Variants in PIK3R6 observed in about 807,000 individuals in gnomAD.
The protein encoded by PIK3R6 is phosphoinositide 3-kinase regulatory subunit 6.
PIK3R6 carries 91 observed loss-of-function variants against 84.9 expected under a neutral mutation model. The observed-to-expected ratio is 1.07, with a 90% CI of 0.90 to 1.28. PIK3R6 has a LOEUF of 1.28. PIK3R6 is among the 50% of genes most tolerant of loss of function. The pLI is 0.00. For synonymous variants in PIK3R6, 416 were observed against 411.4 expected, an observed-to-expected ratio of 1.01 and a Z score of -0.13; for missense variants, 996 against 985.1, an observed-to-expected ratio of 1.01 and a Z score of -0.15.
chr17:8,829,763 T>C lies in PIK3R6; in HGVS notation c.832A>G (p.Ile278Val), dbSNP rs1420851800. 6.4e-7 allele frequency: 1 copy of C among 1,552,834 alleles called. No individual in the cohort carries two copies. Among genetic ancestry groups the C allele is most frequent in the Non-Finnish European group, 8.7e-7 (1 of 1,147,950 alleles). ...GDLVQERPPS[I>V]PLPSPYITFH... ...GTGATGTAGGGGCTGGGCAGGGGAA[T>C]GCTTGGTGGCCGCTCTTGGACAAGG... The change falls in exon 10 of 20, where the codon ATT (isoleucine) becomes GTT (valine). Residue 278 changes from isoleucine (I) to valine (V), a missense_variant. By Grantham distance (29) the Ile-to-Val change is conservative (BLOSUM62 3). Coordinates refer to ENST00000619866, the MANE Select transcript of PIK3R6 (RefSeq NM_001010855.4).
At chr17:8,860,245 T>C (rs2089240269) in intron 1 of PIK3R6, among the ~76,000 whole-genome samples, 1 of 151,452 alleles carries the variant, frequency 6.6e-6, no homozygotes, top group Non-Finnish European at 1.5e-5. Flanking sequence ...AGCAGGTGAG[T>C]GGCTGGTGAG....
At chr17:8,808,264 A>G (rs372880634) in intron 18 of PIK3R6, among the ~76,000 whole-genome samples, 3 of 152,308 alleles carry the variant, frequency 2.0e-5, no homozygotes, top group East Asian at 3.9e-4. Context: ...GCATGCCACA[A>G]TCAATCCTCA....
At position 8,835,367 on chromosome 17, in the gene PIK3R6, G is replaced by A. The variant is rs376476247; in HGVS notation, c.551C>T (p.Thr184Ile). The A allele has an allele frequency of 1.9e-6, 3 of 1,611,922 alleles. No homozygotes were observed. Among genetic ancestry groups the A allele is most frequent in the African/African-American group, 2.7e-5 (2 of 74,896 alleles). ...CACGTGGCGCATGCAGGTCTCTGGT[G>A]TCTGCTGCGCCTGGGCCGCCTCGAT... ...LEIEAAQAQQ[T>I]PETCMRHVVS... The change falls in exon 8 of 20, where the codon ACA becomes ATA. Residue 184 changes from threonine to isoleucine, a missense_variant. Thr to Ile is a moderately conservative substitution (Grantham distance 89). Coordinates refer to ENST00000619866, the MANE Select transcript of PIK3R6 (RefSeq NM_001010855.4).
intron 18 of PIK3R6, among the ~76,000 whole-genome samples, chr17:8,810,473 T>C (rs1022310091): frequency 2.0e-5 from 3 of 148,362 alleles, no homozygotes; most frequent in Non-Finnish European, 2.9e-5. Context: ...TCTTAACTCA[T>C]TTCAGCATTT....
chr17:8,859,206 T>C (rs1567615480), intron 1 of PIK3R6, among the ~76,000 whole-genome samples: 1 of 152,088 alleles, frequency 6.6e-6, no homozygotes, highest in Non-Finnish European at 1.5e-5. Context: ...GGTTGGTGAG[T>C]AAATCAAAGA....
intron 1 of PIK3R6, among the ~76,000 whole-genome samples, chr17:8,852,343 T>G (rs1390794322): frequency 6.6e-6 from 1 of 152,248 alleles, no homozygotes; most frequent in Non-Finnish European, 1.5e-5. Flanking sequence ...AATATCGATA[T>G]AACATTTAAA....
chr17:8,823,576 T>G, intron 13 of PIK3R6, 79 bp from the exon 14 acceptor site: 1 of 967,858 alleles, frequency 1.0e-6, no homozygotes, highest in African/African-American at 1.6e-5. Flanking sequence ...AGAGAGAAAC[T>G]TCAAGCCCCT....
Position 8,803,498 on chromosome 17 carries a change from G to A in PIK3R6, c.2109-69C>T. ...TCAGATTGCCTAGGGCATTTGAAAG[G>A]CAGAGCTGTTATTGTAGGGCCTAGA... On this transcript the variant is annotated intron_variant, in intron 19 of 19. Transcript: ENST00000619866. The surrounding 1 kb of genome is among the most constrained non-coding windows in gnomAD (Gnocchi z 5.0). 1.4e-6 allele frequency: 2 copies of A among 1,465,572 alleles called. No homozygotes were observed. The highest frequency in any genetic ancestry group is 2.7e-5 in the South Asian group (2 of 74,988). 90.8% of individuals were successfully genotyped at this position (1,465,572 alleles called of 1,614,324 possible).
intron 1 of PIK3R6, among the ~76,000 whole-genome samples, chr17:8,853,760 A>G (rs2089046257): frequency 6.6e-6 from 1 of 151,468 alleles, no homozygotes; most frequent in Non-Finnish European, 1.5e-5. Flanking sequence ...CCAGGAGATC[A>G]AGACCATCCT....
At chr17:8,811,349 T>C (rs992787553) in intron 18 of PIK3R6, among the ~76,000 whole-genome samples, 2 of 148,602 alleles carry the variant, frequency 1.3e-5, no homozygotes, top group African/African-American at 5.0e-5. Flanking sequence ...GAGAGGCTGC[T>C]GTGAAGACCT....
chr17:8,829,757 G>C lies in PIK3R6; in HGVS notation c.838C>G (p.Leu280Val). Reference protein sequence around the residue: ...LVQERPPSIPLPSPYITFHLW... With the variant: ...LVQERPPSIPVPSPYITFHLW... ...TGGAAGGTGATGTAGGGGCTGGGCA[G>C]GGGAATGCTTGGTGGCCGCTCTTGG... Residue 280 changes from leucine (L) to valine (V), a missense_variant, in exon 10 of 20, where the codon CTG becomes GTG. Transcript: ENST00000619866. 1 of 1,553,306 alleles carries C rather than the reference G, an allele frequency of 6.4e-7. No individual in the cohort carries two copies. Among genetic ancestry groups the C allele is most frequent in the Non-Finnish European group, 8.7e-7 (1 of 1,148,184 alleles).
intron 1 of PIK3R6, among the ~76,000 whole-genome samples, chr17:8,856,327 C>T (rs935967706): frequency 1.6e-4 from 25 of 152,298 alleles, no homozygotes; most frequent in African/African-American, 5.5e-4. Context: ...ATTGGTCAGG[C>T]GTGGTGGCTC....
intron 17 of PIK3R6, among the ~76,000 whole-genome samples, chr17:8,819,920 TTTA>T (rs1226220148): frequency 3.1e-4 from 38 of 123,148 alleles, no homozygotes; most frequent in African/African-American, 1.2e-3. Flanking sequence ...ATATATATAT[TTTA>T]TATATATATA....
At chr17:8,814,132 A>G (rs80053801) in intron 18 of PIK3R6, among the ~76,000 whole-genome samples, 3,439 of 150,964 alleles carry the variant, frequency 0.023, 127 homozygotes, top group African/African-American at 0.076. Context: ...CCACAGAAAG[A>G]ACCATGGGCT....
intron 10 of PIK3R6, 83 bp downstream of exon 10, chr17:8,829,623 C>A: frequency 2.2e-6 from 3 of 1,355,304 alleles, no homozygotes; most frequent in Non-Finnish European, 3.0e-6. Context: ...CACACGCATG[C>A]ACACTGACAC....
intron 18 of PIK3R6, among the ~76,000 whole-genome samples, chr17:8,818,806 A>G (rs1056023483): frequency 1.3e-5 from 2 of 152,170 alleles, no homozygotes; most frequent in African/African-American, 4.8e-5. Flanking sequence ...TGCATTTTGC[A>G]GTCATCTGGG....
chr17:8,817,288 G>A (rs1401537272), intron 18 of PIK3R6, among the ~76,000 whole-genome samples: 2 of 151,976 alleles, frequency 1.3e-5, no homozygotes, highest in Non-Finnish European at 2.9e-5. Flanking sequence ...ACTAGTGAAA[G>A]TACTTTTTGT....
chr17:8,863,018 A>G (rs1378540775), intron 1 of PIK3R6, among the ~76,000 whole-genome samples: 3 of 152,136 alleles, frequency 2.0e-5, no homozygotes, highest in Admixed American at 2.0e-4. Flanking sequence ...AATACACAAA[A>G]TGCCTGCTCT....
chr17:8,804,101 T>C lies in PIK3R6; in HGVS notation c.2048A>G (p.Gln683Arg). 1.9e-6 allele frequency: 3 copies of C among 1,614,050 alleles called. No individual in the cohort carries two copies. Among genetic ancestry groups the C allele is most frequent in the Non-Finnish European group, 8.5e-7 (1 of 1,179,886 alleles). The change falls in exon 19 of 20, where the codon CAG (glutamine) becomes CGG (arginine). Residue 683 changes from glutamine to arginine, a missense_variant. Physicochemically the swap from Gln to Arg is conservative, Grantham distance 43 (BLOSUM62 1). Transcript: ENST00000619866. ...TNNIQIQSRD[Q>R]RLLTLSLDKD... The stretch of plus-strand genomic sequence containing the variant: ...GTCCAGCGACAGTGTCAGCAGCCTC[T>C]GGTCCCGGCTCTGGATCTGGATATT...
Sources: allele counts gnomAD v4.1 joint callset (sites outside exome capture counted in the v4.1 genomes callset), GRCh38; gene constraint gnomAD v4.1.1; non-coding constraint Gnocchi (gnomAD v3.1); transcripts MANE v1.5; gene names NCBI Gene and HGNC (gene_info 2026-07-23, HGNC 2026-07-21).